The following POC5 variants were observed in gnomAD, a reference collection of about 807,000 sequenced individuals.
POC5 encodes POC5 centriolar protein.
POC5 carries 48 observed loss-of-function variants against 62.9 expected under a neutral mutation model. That is an observed-to-expected ratio of 0.76 (90% confidence interval 0.61 to 0.97). The LOEUF (loss-of-function observed/expected upper bound fraction) is 0.97, where lower values mean the gene tolerates loss of function less well. Among genes scored for constraint, POC5 ranks in the 50% least tolerant of loss-of-function variants. The pLI is 0.00. For missense variants in POC5, 696 were observed against 679.5 expected (o/e 1.02, Z -0.27); for synonymous variants, 236 against 228.2 (o/e 1.03, Z -0.31).
chr5:75,681,390 T>G (rs1775862861), intron 10 of POC5, among the ~76,000 whole-genome samples: 1 of 152,086 alleles, frequency 6.6e-6, no homozygotes. Flanking sequence ...TAAAATTCAG[T>G]GAAAAATATT....
chr5:75,691,347 AT>A (rs1245925603), intron 7 of POC5, among the ~76,000 whole-genome samples: 3 of 152,210 alleles, frequency 2.0e-5, no homozygotes, highest in Non-Finnish European at 4.4e-5. Context: ...TTATTCCAGG[AT>A]AAAGTAGGTT....
intron 2 of POC5, 35 bp from the exon 3 acceptor site, chr5:75,707,910 C>T (rs1369603366): frequency 6.6e-7 from 1 of 1,517,652 alleles, no homozygotes; most frequent in East Asian, 2.3e-5. Context: ...TGTAGTGTAA[C>T]AGTTACAATG....
At chr5:75,716,383 T>TCGG (rs1347540875) in intron 1 of POC5, among the ~76,000 whole-genome samples, 1 of 50,360 alleles carries the variant, frequency 2.0e-5, no homozygotes, top group African/African-American at 7.2e-5. Context: ...GTAACAGGGG[T>TCGG]GGGGGGGGGG....
At chr5:75,716,999 C>A (rs74614913) in intron 1 of POC5, among the ~76,000 whole-genome samples, 7,801 of 152,276 alleles carry the variant, frequency 0.051, 701 homozygotes, top group African/African-American at 0.18. Context: ...TCCGACCCAG[C>A]CTGTTTTAAG....
chr5:75,681,805 T>G (rs1775876564), intron 10 of POC5, among the ~76,000 whole-genome samples: 1 of 152,094 alleles, frequency 6.6e-6, no homozygotes, highest in Non-Finnish European at 1.5e-5. Flanking sequence ...CCTCTGTGAT[T>G]AAAATGACAA....
chr5:75,711,786 C>T (rs1226111032), intron 2 of POC5, among the ~76,000 whole-genome samples: 1 of 152,202 alleles, frequency 6.6e-6, no homozygotes, highest in East Asian at 1.9e-4. Context: ...GCAGGTTCTT[C>T]TTCCGTCTCT....
intron 1 of POC5, among the ~76,000 whole-genome samples, chr5:75,714,616 GTAAC>G (rs1465511567): frequency 6.6e-6 from 1 of 152,144 alleles, no homozygotes; most frequent in Non-Finnish European, 1.5e-5. Context: ...TCCGGTTTGG[GTAAC>G]TAGATGGATA....
chr5:75,682,678 G>A (rs1240754468), intron 10 of POC5, among the ~76,000 whole-genome samples: 4 of 151,998 alleles, frequency 2.6e-5, no homozygotes, highest in Admixed American at 6.5e-5. Flanking sequence ...ACCACGCCCG[G>A]CTAATTTTTT....
intron 10 of POC5, among the ~76,000 whole-genome samples, chr5:75,684,251 T>C (rs1775992241): frequency 6.6e-6 from 1 of 152,074 alleles, no homozygotes; most frequent in African/African-American, 2.4e-5. Flanking sequence ...GAATAGAAAA[T>C]ATAAAATTAA....
At chr5:75,714,769 C>T (rs1777481267) in intron 1 of POC5, among the ~76,000 whole-genome samples, 1 of 152,090 alleles carries the variant, frequency 6.6e-6, no homozygotes, top group Non-Finnish European at 1.5e-5. Flanking sequence ...TCTGTGGTCA[C>T]ACTGGCTACG....
At position 75,702,748 on chromosome 5, in the gene POC5, G is replaced by C. The variant is rs11540086; in HGVS notation, c.370C>G (p.His124Asp). 1.2e-6 allele frequency: 2 copies of C among 1,600,902 alleles called. No individual in the cohort carries two copies. The highest frequency in any genetic ancestry group is 1.7e-6 in the Non-Finnish European group (2 of 1,173,098). Residue 124 changes from histidine (H) to aspartate (D), a missense_variant, in exon 5 of 12, where the codon CAT becomes GAT. Physicochemically the swap from His to Asp is moderately conservative, Grantham distance 81. Coordinates refer to ENST00000428202, the MANE Select transcript of POC5 (RefSeq NM_001099271.2). ...SHPVMDFFSS[H>D]LLADSSSPAT... ...GGTGAGGAAGAGTCAGCTAAAAGAT[G>C]TGAACTGAAAAAATCCATGACTGGG...
At chr5:75,692,217 A>G (rs1393487353) in intron 7 of POC5, among the ~76,000 whole-genome samples, 179 bp downstream of exon 7, 1 of 152,178 alleles carries the variant, frequency 6.6e-6, no homozygotes, top group Non-Finnish European at 1.5e-5. Flanking sequence ...TTATATGTCA[A>G]TAAGATCTAA....
At chr5:75,691,130 CA>C (rs1308083309) in intron 7 of POC5, among the ~76,000 whole-genome samples, 1 of 152,202 alleles carries the variant, frequency 6.6e-6, no homozygotes, top group African/African-American at 2.4e-5. Flanking sequence ...TCAATTTCTT[CA>C]GTTTGAAAAA....
chr5:75,716,398 G>GA (rs1742568886), intron 1 of POC5, among the ~76,000 whole-genome samples: 1 of 102,464 alleles, frequency 9.8e-6, no homozygotes, highest in Non-Finnish European at 2.2e-5. Flanking sequence ...GGGGGGGGGT[G>GA]CTGATTATTT....
chr5:75,691,853 AC>A (rs1163427606), intron 7 of POC5, among the ~76,000 whole-genome samples: 2 of 152,134 alleles, frequency 1.3e-5, no homozygotes, highest in African/African-American at 2.4e-5. Context: ...CTCAGCTCTT[AC>A]TTAAAATAAA....
At chr5:75,711,406 G>T (rs748751386) in intron 2 of POC5, among the ~76,000 whole-genome samples, 1 of 152,054 alleles carries the variant, frequency 6.6e-6, no homozygotes, top group Non-Finnish European at 1.5e-5. Context: ...TAAGCACTAT[G>T]GATGCTGCCC....
At chr5:75,702,897 C>G (rs1208812871) in intron 4 of POC5, 87 bp from the exon 5 acceptor site, 2 of 1,037,900 alleles carry the variant, frequency 1.9e-6, no homozygotes, top group African/African-American at 1.6e-5. Context: ...TAAAAGACGT[C>G]TGCTACTTAT....
intron 5 of POC5, among the ~76,000 whole-genome samples, chr5:75,696,364 C>T: frequency 6.6e-6 from 1 of 152,220 alleles, no homozygotes; most frequent in East Asian, 1.9e-4. Context: ...AGCTGGAGAT[C>T]TGAGAACGGG....
chr5:75,713,015 T>C, intron 1 of POC5, 64 bp from the exon 2 acceptor site: 1 of 1,157,632 alleles, frequency 8.6e-7, no homozygotes, highest in Non-Finnish European at 1.3e-6. Flanking sequence ...CCTTTCCAGA[T>C]ATATATAAGT....
Sources: allele counts gnomAD v4.1 joint callset (sites outside exome capture counted in the v4.1 genomes callset), GRCh38; gene constraint gnomAD v4.1.1; transcripts MANE v1.5; gene names NCBI Gene and HGNC (gene_info 2026-07-23, HGNC 2026-07-21).